ACYP2: variants seen among roughly 807,000 people sequenced by gnomAD.
ACYP2 encodes acylphosphatase 2, also known as acylphosphatase-2.
ACYP2 carries 12 observed loss-of-function variants against 11.2 expected under a neutral mutation model. That is an observed-to-expected ratio of 1.08 (90% confidence interval 0.69 to 1.74). The LOEUF (loss-of-function observed/expected upper bound fraction) is 1.74. ACYP2 is among the 40% of genes most tolerant of loss of function. ACYP2 has a pLI of 0.00. For missense variants in ACYP2, 134 were observed against 101.9 expected (o/e 1.31, Z -1.35); for synonymous variants, 43 against 32.2 (o/e 1.33, Z -1.13).
intron 6 of ACYP2, among the ~76,000 whole-genome samples, chr2:54,229,262 G>A (rs1182591477): frequency 6.6e-6 from 1 of 152,150 alleles, no homozygotes; most frequent in Non-Finnish European, 1.5e-5. Flanking sequence ...ACAGGGAGAT[G>A]AAGTTTCATA....
intron 6 of ACYP2, among the ~76,000 whole-genome samples, chr2:54,232,384 G>A (rs1360471860): frequency 6.6e-6 from 1 of 152,122 alleles, no homozygotes; most frequent in African/African-American, 2.4e-5. Flanking sequence ...ACTTAGACCA[G>A]GGGCTTGGGG....
At chr2:54,054,505 A>G (rs1676020534) in intron 3 of ACYP2, among the ~76,000 whole-genome samples, 1 of 152,210 alleles carries the variant, frequency 6.6e-6, no homozygotes, top group South Asian at 2.1e-4. Context: ...CCTCTTCTGC[A>G]AACAATGGGT....
At chr2:54,107,800 T>C (rs1331394987) in intron 4 of ACYP2, among the ~76,000 whole-genome samples, 1 of 152,212 alleles carries the variant, frequency 6.6e-6, no homozygotes, top group Non-Finnish European at 1.5e-5. Flanking sequence ...TGAGATCAGA[T>C]AGAGATCCAC....
rs528446808 is a variant in ACYP2 at position 54,029,626 on chromosome 2, C to A, written c.63-21332C>A. On this transcript the variant is annotated intron_variant, in intron 2 of 6. Transcript: ENST00000607452. ...TCTTTGGCTTCCTTCTTTTTCTGAT[C>A]ATTTTCCTTCATGCGTTTCAGGAAA... is the stretch of plus-strand genomic sequence containing the variant. The A allele has an allele frequency of 2.8e-4, 103 of 367,794 alleles. 1 individual carries two copies. The highest frequency in any genetic ancestry group is 3.9e-4 in the Non-Finnish European group (76 of 192,506). The allele number at this position is 367,794 out of a possible 1,614,324, so 22.8% of individuals were successfully genotyped here. A position where few individuals can be genotyped will look rare whatever the true frequency, so the allele number is the denominator to read the frequency against.
chr2:54,043,256 C>G (rs1459130659), intron 2 of ACYP2, among the ~76,000 whole-genome samples: 2 of 152,134 alleles, frequency 1.3e-5, no homozygotes, highest in Admixed American at 6.5e-5. Context: ...ATATCTTAAC[C>G]AAGGGACAAT....
At chr2:54,165,535 T>TCACACACACACACA (rs1163844895) in intron 6 of ACYP2, among the ~76,000 whole-genome samples, 7 of 128,958 alleles carry the variant, frequency 5.4e-5, no homozygotes, top group African/African-American at 2.1e-4. Context: ...TCTCTCTCTC[T>TCACACACACACACA]CACACACACA....
At chr2:54,051,098 A>T (rs753806684) in intron 3 of ACYP2, 1 of 609,578 alleles carries the variant, frequency 1.6e-6, no homozygotes, top group African/African-American at 1.9e-5. Context: ...GAGCTGTGCA[A>T]TGGCTCTCAC....
At chr2:54,231,882 T>C (rs563954412) in intron 6 of ACYP2, among the ~76,000 whole-genome samples, 12 of 152,334 alleles carry the variant, frequency 7.9e-5, no homozygotes, top group Non-Finnish European at 1.6e-4. Flanking sequence ...GGCGCTGTAC[T>C]AAGTGATCTA....
intron 6 of ACYP2, among the ~76,000 whole-genome samples, chr2:54,162,394 T>C (rs1243747618): frequency 1.3e-5 from 2 of 152,234 alleles, no homozygotes; most frequent in Non-Finnish European, 2.9e-5. Flanking sequence ...TCCGTTTTAC[T>C]AGCTCAGTAT....
At chr2:54,262,846 A>T (rs760618585) in intron 6 of ACYP2, among the ~76,000 whole-genome samples, 1 of 152,200 alleles carries the variant, frequency 6.6e-6, no homozygotes, top group African/African-American at 2.4e-5. Flanking sequence ...CAACTGTATC[A>T]ACCTAATTAA....
Position 54,171,762 on chromosome 2 carries a change from G to A in ACYP2, c.404+33014G>A, listed in dbSNP as rs150276026. On this transcript the variant is annotated intron_variant, in intron 6 of 6. Transcript: ENST00000607452. ...GCTTCTTTGGAAGTTGTACTTGTCA[G>A]TTCTATTTTTCGGTGTCTTAGGAAA... Among the ~76,000 whole-genome samples, 273 of 152,172 alleles carry A rather than the reference G, an allele frequency of 1.8e-3. 4 individuals are homozygous for A. In the East Asian group the frequency reaches 0.038, roughly 21 times the overall value.
intron 4 of ACYP2, among the ~76,000 whole-genome samples, chr2:54,127,024 G>T (rs1680555534): frequency 6.7e-6 from 1 of 149,602 alleles, no homozygotes; most frequent in Admixed American, 6.7e-5. Flanking sequence ...TTGCATGGAG[G>T]TAGTCCATAA....
intron 6 of ACYP2, among the ~76,000 whole-genome samples, chr2:54,210,475 ATAAT>A (rs1430606740): frequency 6.6e-6 from 1 of 152,220 alleles, no homozygotes; most frequent in Non-Finnish European, 1.5e-5. Flanking sequence ...GAGCGGTGTT[ATAAT>A]TCACTTCCAA....
chr2:54,285,039 G>A (rs886508097), intron 6 of ACYP2, among the ~76,000 whole-genome samples: 1 of 152,170 alleles, frequency 6.6e-6, no homozygotes, highest in Non-Finnish European at 1.5e-5. Flanking sequence ...TCACGATCAA[G>A]GCACTAGCAG....
intron 6 of ACYP2, among the ~76,000 whole-genome samples, chr2:54,175,435 G>A (rs1683417424): frequency 6.6e-6 from 1 of 151,628 alleles, no homozygotes; most frequent in South Asian, 2.1e-4. Context: ...TTCTTTATTA[G>A]TCTTGCTAGC....
chr2:54,086,736 C>G (rs1056129216), intron 4 of ACYP2, among the ~76,000 whole-genome samples: 1 of 152,234 alleles, frequency 6.6e-6, no homozygotes, highest in African/African-American at 2.4e-5. Flanking sequence ...CAAGCGCAGA[C>G]TGCTACAGGT....
chr2:53,984,480 G>A (rs1045242658), intron 2 of ACYP2, among the ~76,000 whole-genome samples: 1 of 151,872 alleles, frequency 6.6e-6, no homozygotes, highest in Non-Finnish European at 1.5e-5. Context: ...GGGAGGCTGA[G>A]GCAGGATAAT....
intron 4 of ACYP2, among the ~76,000 whole-genome samples, chr2:54,123,975 G>T (rs1053434903): frequency 6.6e-6 from 1 of 152,170 alleles, no homozygotes; most frequent in Non-Finnish European, 1.5e-5. Context: ...AGGGAAGAAT[G>T]GGAGAATGGA....
Position 54,270,071 on chromosome 2 carries a change from A to C in ACYP2, c.405-34617A>C, listed in dbSNP as rs143488280. On this transcript the variant is annotated intron_variant, in intron 6 of 6. Coordinates refer to ENST00000607452, the MANE Select transcript of ACYP2 (RefSeq NM_001320586.2). ...GTATGTTTATGTCCTCTGACCATTTATCTCTTGAGGTTTTAATATTTTTGA... is the reference window on the plus strand; with the variant it reads ...GTATGTTTATGTCCTCTGACCATTTCTCTCTTGAGGTTTTAATATTTTTGA... Among the ~76,000 whole-genome samples the C allele has an allele frequency of 7.8e-3, 1,180 of 152,092 alleles. 15 individuals are homozygous for C. Among genetic ancestry groups the C allele is most frequent in the African/African-American group, 0.027 (1,135 of 41,438 alleles).
Sources: gnomAD v4.1 joint callset for allele counts (sites outside exome capture counted in the v4.1 genomes callset) on GRCh38, gnomAD v4.1.1 for gene constraint, MANE v1.5 for transcripts, NCBI Gene and HGNC (gene_info 2026-07-23, HGNC 2026-07-21) for gene names.